The following ZNF536 variants were observed in gnomAD, a reference collection of about 807,000 sequenced individuals.
ZNF536 encodes zinc finger protein 536.
In ZNF536, 13 loss-of-function variants were observed where a neutral mutation model predicts 84.5. That is an observed-to-expected ratio of 0.15 (90% CI 0.10 to 0.24). ZNF536 has a LOEUF of 0.24. Ranked by LOEUF, ZNF536 falls within the 10% of genes least tolerant of loss-of-function variation. The probability of loss-of-function intolerance (pLI) is 1.00; values close to 1 mark genes in which losing one functional copy is unlikely to be tolerated. For synonymous variants in ZNF536, 811 were observed against 742.5 expected, an observed-to-expected ratio of 1.09 and a Z score of -1.50; for missense variants, 1,536 against 1,747.5, an observed-to-expected ratio of 0.88 and a Z score of 2.16.
At chr19:30,317,530 C>A (rs1030070739) in intron 2 of ZNF536, among the ~76,000 whole-genome samples, 8 of 152,256 alleles carry the variant, frequency 5.3e-5, no homozygotes, top group African/African-American at 1.9e-4. Context: ...GTTTTCTCAC[C>A]CCATCCTTCC....
intron 4 of ZNF536, among the ~76,000 whole-genome samples, chr19:30,553,325 A>G (rs2045851004): frequency 6.6e-6 from 1 of 152,222 alleles, no homozygotes; most frequent in Non-Finnish European, 1.5e-5. Flanking sequence ...CTGTGCACAC[A>G]GCACCAAGGC....
intron 1 of ZNF536, among the ~76,000 whole-genome samples, chr19:30,579,544 G>A (rs529674598): frequency 6.6e-5 from 10 of 152,280 alleles, no homozygotes; most frequent in Middle Eastern, 3.4e-3. Flanking sequence ...AAATGGAAAC[G>A]CAGAGGCACT....
intron 1 of ZNF536, among the ~76,000 whole-genome samples, chr19:30,279,450 A>G (rs909075343): frequency 4.1e-4 from 63 of 152,218 alleles, no homozygotes; most frequent in Middle Eastern, 3.4e-3. Context: ...TGTAGCAACA[A>G]TGGGTGTGTC....
At chr19:30,623,020 GT>G (rs66483120) in intron 1 of ZNF536, among the ~76,000 whole-genome samples, 43,624 of 129,238 alleles carry the variant, frequency 0.34, 7,153 homozygotes, top group East Asian at 0.49. Flanking sequence ...AAAATCTTGT[GT>G]TTTTTTTTTT....
intron 2 of ZNF536, among the ~76,000 whole-genome samples, chr19:30,293,666 C>T (rs1055977783): frequency 2.6e-5 from 4 of 152,076 alleles, no homozygotes; most frequent in African/African-American, 9.7e-5. Flanking sequence ...TTTTCTGGCT[C>T]GATTCATTTT....
At chr19:30,240,938 G>GAACTGATAT (rs1317038906) in intron 1 of ZNF536, among the ~76,000 whole-genome samples, 1 of 152,206 alleles carries the variant, frequency 6.6e-6, no homozygotes, top group Non-Finnish European at 1.5e-5. Flanking sequence ...AACTGTTTGG[G>GAACTGATAT]GTCCTGGGGA....
At chr19:30,341,221 G>A (rs1053786448) in intron 2 of ZNF536, among the ~76,000 whole-genome samples, 4 of 152,202 alleles carry the variant, frequency 2.6e-5, no homozygotes, top group Non-Finnish European at 4.4e-5. Flanking sequence ...ACAGTATGGA[G>A]AATGTTTTAA....
chr19:30,576,003 C>T (rs1008268740), intron 1 of ZNF536, among the ~76,000 whole-genome samples: 1 of 152,234 alleles, frequency 6.6e-6, no homozygotes, highest in Admixed American at 6.5e-5. Context: ...TTAAGGCCTA[C>T]ACTGAGAAGG....
intron 1 of ZNF536, among the ~76,000 whole-genome samples, chr19:30,374,798 C>A (rs1208627449): frequency 6.6e-6 from 1 of 151,890 alleles, no homozygotes; most frequent in Non-Finnish European, 1.5e-5. Flanking sequence ...CGAGGCCACC[C>A]CCAGCCGGCG....
intron 1 of ZNF536, among the ~76,000 whole-genome samples, chr19:30,605,051 G>A (rs75842513): frequency 0.017 from 2,622 of 152,216 alleles, 96 homozygotes; most frequent in Admixed American, 0.09. Context: ...GTTGGGTAAG[G>A]GGTCTCATTA....
intron 1 of ZNF536, among the ~76,000 whole-genome samples, chr19:30,633,558 C>T (rs2048964200): frequency 6.6e-6 from 1 of 152,096 alleles, no homozygotes; most frequent in Non-Finnish European, 1.5e-5. Context: ...TTCTGGTAAC[C>T]ACCATTCTGC....
chr19:30,397,338 A>C (rs2049865178), intron 1 of ZNF536, among the ~76,000 whole-genome samples: 2 of 152,218 alleles, frequency 1.3e-5, no homozygotes, highest in Admixed American at 6.5e-5. Flanking sequence ...CATGTGTTAA[A>C]ATTGCAAAGA....
chr19:30,447,957 A>C (rs1193755563), intron 2 of ZNF536, among the ~76,000 whole-genome samples: 1 of 152,216 alleles, frequency 6.6e-6, no homozygotes, highest in East Asian at 1.9e-4. Context: ...CTTCTGGCCA[A>C]GTGATAGCCT....
intron 2 of ZNF536, among the ~76,000 whole-genome samples, chr19:30,502,794 C>A (rs2145349361): frequency 6.6e-6 from 1 of 152,198 alleles, no homozygotes; most frequent in East Asian, 1.9e-4. Flanking sequence ...TGTCCCTGAG[C>A]CACGGGAAAG....
intron 2 of ZNF536, among the ~76,000 whole-genome samples, chr19:30,498,996 C>T (rs1030429989): frequency 6.6e-6 from 1 of 151,710 alleles, no homozygotes; most frequent in African/African-American, 2.4e-5. Flanking sequence ...AAAATAAGCC[C>T]GGCTATTTTC....
intron 2 of ZNF536, among the ~76,000 whole-genome samples, chr19:30,292,345 T>C (rs2045868993): frequency 6.8e-6 from 1 of 146,248 alleles, no homozygotes; most frequent in African/African-American, 2.5e-5. Flanking sequence ...CTTTTTCTTC[T>C]TTTTTTTTTT....
chr19:30,293,774 T>C (rs186260637), intron 2 of ZNF536, among the ~76,000 whole-genome samples: 9 of 152,316 alleles, frequency 5.9e-5, no homozygotes, highest in Non-Finnish European at 1.2e-4. Context: ...GGAGTTTGCA[T>C]TTCATCCTTG....
At chr19:30,263,901 CA>C (rs2025359590) in intron 1 of ZNF536, among the ~76,000 whole-genome samples, 4 of 151,996 alleles carry the variant, frequency 2.6e-5, no homozygotes, top group Non-Finnish European at 4.4e-5. Flanking sequence ...CACACACACA[CA>C]CCCTACACAC....
intron 3 of ZNF536, among the ~76,000 whole-genome samples, chr19:30,542,153 C>T (rs2045357973): frequency 6.6e-6 from 1 of 151,980 alleles, no homozygotes; most frequent in Admixed American, 6.6e-5. Context: ...ACATCTTAAA[C>T]CTTAAAATGG....
Sources: allele counts gnomAD v4.1 joint callset (sites outside exome capture counted in the v4.1 genomes callset), GRCh38; gene constraint gnomAD v4.1.1; transcripts MANE v1.5; gene names NCBI Gene and HGNC (gene_info 2026-07-23, HGNC 2026-07-21).